ZNF667: variants seen among roughly 807,000 people sequenced by gnomAD.
The protein encoded by ZNF667 is zinc finger protein 667.
In ZNF667, 13 loss-of-function variants were observed where a neutral mutation model predicts 31.8. The ratio of observed to expected loss-of-function variants is 0.41; its 90% confidence interval spans 0.27 to 0.65. The LOEUF (loss-of-function observed/expected upper bound fraction) is 0.65. Ranked by LOEUF, ZNF667 falls within the 30% of genes least tolerant of loss-of-function variation. The pLI is 0.32. For synonymous variants in ZNF667, 228 were observed against 247.1 expected (o/e 0.92, Z 0.73); for missense variants, 642 against 725.6 (o/e 0.88, Z 1.32).
chr19:56,451,346 G>A (rs2042817729), intron 6 of ZNF667, among the ~76,000 whole-genome samples: 1 of 151,442 alleles, frequency 6.6e-6, no homozygotes, highest in Non-Finnish European at 1.5e-5. Flanking sequence ...CAGAGCTAAA[G>A]AGAGAGACAG....
rs1341607204 is a variant in ZNF667 at position 56,460,819 on chromosome 19, A to C, written c.34-4T>G. 6.3e-7 allele frequency: 1 copy of C among 1,585,610 alleles called. No individual in the cohort carries two copies. The highest frequency in any genetic ancestry group is 8.6e-7 in the Non-Finnish European group (1 of 1,167,728). ...AGTCCCCAAATGTTATAGGTGCCTG[A>C]AATGAAAAATCAAATGTCTATTCAC... On this transcript the variant is annotated splice_region_variant and splice_polypyrimidine_tract_variant and intron_variant, in intron 4 of 6. Coordinates refer to ENST00000504904, the MANE Select transcript of ZNF667 (RefSeq NM_001321356.2).
intron 6 of ZNF667, among the ~76,000 whole-genome samples, chr19:56,454,669 A>G (rs2042896786): frequency 6.7e-6 from 1 of 149,696 alleles, no homozygotes; most frequent in Non-Finnish European, 1.5e-5. Context: ...ATATGCAAAA[A>G]TCAAATAAAA....
Position 56,441,438 on chromosome 19 carries a change from T to C in ZNF667, c.1557A>G (p.Arg519=). Residue 519 remains arginine (R), a synonymous_variant, in exon 7 of 7, where the codon AGA becomes AGG. Transcript: ENST00000504904. This position sits in a 1 kb window ranked among gnomAD's most constrained non-coding sequence, Gnocchi z 4.2. ...SQSAHLAQHE[R]IHTGEKPYTC... is the part of the protein sequence containing the mutation. ...TATATGGCTTCTCTCCAGTGTGAAT[T>C]CTTTCATGTTGGGCGAGGTGTGCAC... is the stretch of plus-strand genomic sequence containing the variant. The C allele has an allele frequency of 6.2e-7, 1 of 1,614,208 alleles. No homozygotes were observed. The highest frequency in any genetic ancestry group is 8.5e-7 in the Non-Finnish European group (1 of 1,180,028).
Position 56,462,363 on chromosome 19 carries a change from G to A in ZNF667, c.8C>T (p.Ser3Phe), listed in dbSNP as rs1254407213. 6.2e-7 allele frequency: 1 copy of A among 1,614,248 alleles called. No homozygotes were observed. The highest frequency in any genetic ancestry group is 2.2e-5 in the East Asian group (1 of 44,888). MPSARGKSKSKAP... is the reference protein window; with the variant it reads MPFARGKSKSKAP... ...CTTGGATTTGGATTTCCCCCGTGCA[G>A]AAGGCATCCTTTCCTCCCCCTTTAG... Residue 3 changes from serine to phenylalanine, a missense_variant, in exon 4 of 7, where the codon TCT becomes TTT. Transcript: ENST00000504904.
intron 1 of ZNF667, 56 bp downstream of exon 1, chr19:56,477,216 G>T (rs1221552592): frequency 6.6e-6 from 1 of 152,040 alleles, no homozygotes; most frequent in Non-Finnish European, 1.5e-5. Context: ...TCCACGCAGT[G>T]GCGGGCGCGC....
rs754551327 is a variant in ZNF667 at position 56,467,078 on chromosome 19, G to A, written c.-60+4621C>T. On this transcript the variant is annotated intron_variant, in intron 3 of 6. Coordinates refer to ENST00000504904, the MANE Select transcript of ZNF667 (RefSeq NM_001321356.2). Reference sequence around the variant, plus strand: ...TCCAGCAACACTCACTGGGCAAGAAGGGGCGGGGTCCCATGCAGGTGAGCC... The same window carrying A: ...TCCAGCAACACTCACTGGGCAAGAAAGGGCGGGGTCCCATGCAGGTGAGCC... The A allele has an allele frequency of 2.0e-4, 90 of 454,722 alleles. 1 individual carries two copies. The highest frequency in any genetic ancestry group is 5.3e-5 in the Non-Finnish European group (12 of 226,876). 28.2% of individuals were successfully genotyped at this position (454,722 alleles called of 1,614,324 possible). A position where few individuals can be genotyped will look rare whatever the true frequency, so the allele number is the denominator to read the frequency against.
intron 3 of ZNF667, chr19:56,469,952 G>C (rs757749250): frequency 2.0e-6 from 1 of 492,114 alleles, no homozygotes; most frequent in South Asian, 1.5e-5. Context: ...ACATGTATCA[G>C]GTGCCACTTC....
In ZNF667 at chr19:56,458,181, T is replaced by G. The variant is rs139445582; in HGVS notation, c.227A>C (p.Glu76Ala). 6.2e-7 allele frequency: 1 copy of G among 1,614,242 alleles called. No homozygotes were observed. The highest frequency in any genetic ancestry group is 8.5e-7 in the Non-Finnish European group (1 of 1,180,038). ...LEKGKAPWMV[E>A]PVRRRRAPDS... The stretch of plus-strand genomic sequence containing the variant: ...AGGAGCCCGGCGTCTTCTTACTGGC[T>G]CTACCATCCAGGGTGCTTTCCCTTT... The change falls in exon 6 of 7, where the codon GAG becomes GCG. Residue 76 changes from glutamate to alanine, a missense_variant. Transcript: ENST00000504904.
Position 56,450,668 on chromosome 19 carries a change from T to A in ZNF667, c.253+7487A>T, listed in dbSNP as rs139802687. Among the ~76,000 whole-genome samples the A allele has an allele frequency of 8.7e-3, 1,331 of 152,134 alleles. 6 individuals carry two copies. The highest frequency in any genetic ancestry group is 0.014 in the Non-Finnish European group (959 of 68,000). On this transcript the variant is annotated intron_variant, in intron 6 of 6. Coordinates refer to ENST00000504904, the MANE Select transcript of ZNF667 (RefSeq NM_001321356.2). The stretch of plus-strand genomic sequence containing the variant: ...ACAAAAAAACGGCAACTACAACAAC[T>A]CAAGACACACAGTATTAAAATATAA...
At chr19:56,460,877 A>G (rs2043031693) in intron 4 of ZNF667, 62 bp from the exon 5 acceptor site, 1 of 1,498,940 alleles carries the variant, frequency 6.7e-7, no homozygotes, top group East Asian at 2.4e-5. Flanking sequence ...GCTGGAGGAA[A>G]TGGTGCACAC....
chr19:56,448,325 G>A (rs557134803), intron 6 of ZNF667, among the ~76,000 whole-genome samples: 13 of 152,182 alleles, frequency 8.5e-5, no homozygotes, highest in Non-Finnish European at 1.9e-4. Flanking sequence ...CCACAGTGGT[G>A]GAAACTTGAG....
intron 6 of ZNF667, among the ~76,000 whole-genome samples, chr19:56,454,161 T>A (rs900417155): frequency 3.3e-5 from 5 of 152,000 alleles, no homozygotes; most frequent in Non-Finnish European, 7.4e-5. Flanking sequence ...CTACAAAACC[T>A]GATGCAAGAA....
rs374516152 is a variant in ZNF667 at position 56,458,268 on chromosome 19, G to T, written c.161-21C>A. Reference sequence around the variant, plus strand: ...AAGACCTGTACGTGGGACAAACATGGGAAATGATCATAAATGTGGGCACCA... The same window carrying T: ...AAGACCTGTACGTGGGACAAACATGTGAAATGATCATAAATGTGGGCACCA... On this transcript the variant is annotated intron_variant, in intron 5 of 6. Transcript: ENST00000504904. 4.4e-6 allele frequency: 7 copies of T among 1,608,974 alleles called. No individual in the cohort carries two copies. In the African/African-American group the frequency reaches 9.4e-5, roughly 22 times the overall value.
At chr19:56,459,732 G>C (rs2043005324) in intron 5 of ZNF667, among the ~76,000 whole-genome samples, 5 of 152,146 alleles carry the variant, frequency 3.3e-5, no homozygotes. Flanking sequence ...GGTGGCTCAT[G>C]CCTGTAATCC....
intron 6 of ZNF667, among the ~76,000 whole-genome samples, chr19:56,451,868 C>CAAAAAAAAAAAA (rs71184363): frequency 8.6e-5 from 7 of 80,946 alleles, no homozygotes; most frequent in African/African-American, 2.1e-4. Flanking sequence ...GACCCTGTCT[C>CAAAAAAAAAAAA]AAAAAAAAAA....
intron 3 of ZNF667, among the ~76,000 whole-genome samples, chr19:56,466,746 G>C (rs1194633715): frequency 6.6e-6 from 1 of 152,170 alleles, no homozygotes; most frequent in African/African-American, 2.4e-5. Context: ...AGAATGTCCA[G>C]ATGTCCTGAG....
At position 56,477,320 on chromosome 19, in the gene ZNF667, A is replaced by AGCCTGC. The variant is rs1221800169; in HGVS notation, c.-711_-710insGCAGGC. On this transcript the variant is annotated 5_prime_UTR_variant, in exon 1 of 7. Transcript: ENST00000504904. ...CCGGCGGCGACCACCGAGACAGCCG[A>AGCCTGC]GCAGGGACTCAGCGCCTGCGCACTC... 1 of 151,806 alleles carries AGCCTGC rather than the reference A, an allele frequency of 6.6e-6. No individual in the cohort carries two copies. Among genetic ancestry groups the AGCCTGC allele is most frequent in the Non-Finnish European group, 1.5e-5 (1 of 67,932 alleles). 9.4% of individuals were successfully genotyped at this position (151,806 alleles called of 1,614,324 possible). A position where few individuals can be genotyped will look rare whatever the true frequency, so the allele number is the denominator to read the frequency against.
At chr19:56,458,615 G>A (rs1266188490) in intron 5 of ZNF667, among the ~76,000 whole-genome samples, 1 of 152,170 alleles carries the variant, frequency 6.6e-6, no homozygotes, top group Admixed American at 6.5e-5. Context: ...AGGGGTCAGA[G>A]GCTGGAGGTT....
intron 6 of ZNF667, among the ~76,000 whole-genome samples, chr19:56,455,688 A>G (rs182531109): frequency 6.6e-5 from 10 of 152,316 alleles, no homozygotes; most frequent in African/African-American, 2.2e-4. Context: ...CAATAAATAC[A>G]ATCTACTATT....
Sources: gnomAD v4.1 joint callset for allele counts (sites outside exome capture counted in the v4.1 genomes callset) on GRCh38, gnomAD v4.1.1 for gene constraint, Gnocchi (gnomAD v3.1) non-coding constraint, MANE v1.5 for transcripts, NCBI Gene and HGNC (gene_info 2026-07-23, HGNC 2026-07-21) for gene names.